The following ST3GAL6 variants were observed in gnomAD, a reference collection of about 807,000 sequenced individuals.
The protein encoded by ST3GAL6 is ST3 beta-galactoside alpha-2,3-sialyltransferase 6.
Under a neutral mutation model 40.5 loss-of-function variants are expected in ST3GAL6, and 31 were observed. That is an observed-to-expected ratio of 0.77 (90% CI 0.58 to 1.03). The LOEUF is 1.03. Ranked by LOEUF, ST3GAL6 falls within the 50% of genes least tolerant of loss-of-function variation. ST3GAL6 has a pLI of 0.00. For missense variants in ST3GAL6, 357 were observed against 393.2 expected (o/e 0.91, Z 0.78); for synonymous variants, 129 against 136.9 (o/e 0.94, Z 0.40).
rs373919190 is a variant in ST3GAL6, at chr3:98,793,772, T to G, written c.*11T>G. ...TTGACTCAAGATTGACTCTACAGACTCAGAAGATGATGCTAACAGTGTTAG... is the reference window on the plus strand; with the variant it reads ...TTGACTCAAGATTGACTCTACAGACGCAGAAGATGATGCTAACAGTGTTAG... On this transcript the variant is annotated 3_prime_UTR_variant, in exon 10 of 10. Coordinates refer to ENST00000483910, the MANE Select transcript of ST3GAL6 (RefSeq NM_001323368.2). 27 of 1,541,288 alleles carry G rather than the reference T, an allele frequency of 1.8e-5. No individual in the cohort carries two copies. Among genetic ancestry groups the G allele is most frequent in the Non-Finnish European group, 2.4e-5 (27 of 1,132,086 alleles).
intron 1 of ST3GAL6, among the ~76,000 whole-genome samples, chr3:98,738,002 C>T (rs1389461459): frequency 6.6e-6 from 1 of 152,062 alleles, no homozygotes; most frequent in Non-Finnish European, 1.5e-5. Context: ...GGGGCAGTTT[C>T]TAATCGTTTA....
chr3:98,789,295 G>T (rs1157121322), intron 8 of ST3GAL6, among the ~76,000 whole-genome samples: 1 of 152,160 alleles, frequency 6.6e-6, no homozygotes, highest in Non-Finnish European at 1.5e-5. Flanking sequence ...ACAAATGTTA[G>T]TGTTGCACAC....
At chr3:98,752,763 G>A (rs537816763) in intron 1 of ST3GAL6, among the ~76,000 whole-genome samples, 2 of 152,288 alleles carry the variant, frequency 1.3e-5, no homozygotes, top group South Asian at 2.1e-4. Flanking sequence ...GAGCCACCGC[G>A]CCCAGCTGAT....
intron 9 of ST3GAL6, among the ~76,000 whole-genome samples, chr3:98,792,616 C>T (rs1941300837): frequency 6.7e-6 from 1 of 150,342 alleles, no homozygotes; most frequent in Non-Finnish European, 1.5e-5. Context: ...AAGTGATTCT[C>T]CTGCTTCAGT....
intron 1 of ST3GAL6, among the ~76,000 whole-genome samples, chr3:98,749,320 A>C (rs929544770): frequency 6.6e-6 from 1 of 152,208 alleles, no homozygotes; most frequent in African/African-American, 2.4e-5. Context: ...GTTGCCCTAA[A>C]TTAAGATTCA....
At chr3:98,745,128 G>C (rs1414440127) in intron 1 of ST3GAL6, among the ~76,000 whole-genome samples, 1 of 152,070 alleles carries the variant, frequency 6.6e-6, no homozygotes, top group Admixed American at 6.6e-5. Flanking sequence ...CTGCCTCTGG[G>C]TTTCAAGCGA....
At position 98,788,414 on chromosome 3, in the gene ST3GAL6, C is replaced by T. The variant is rs1244115544; in HGVS notation, c.707C>T (p.Thr236Ile). 3 of 1,613,150 alleles carry T rather than the reference C, an allele frequency of 1.9e-6. No individual in the cohort carries two copies. Residue 236 changes from threonine to isoleucine, a missense_variant, in exon 8 of 10, where the codon ACA becomes ATA. Thr to Ile is a moderately conservative substitution (Grantham distance 89, BLOSUM62 -1). Coordinates refer to ENST00000483910, the MANE Select transcript of ST3GAL6 (RefSeq NM_001323368.2). The part of the protein sequence containing the change: ...IRILDPFIIR[T>I]AAYELLHFPK... ...ATATTAGATCCTTTCATTATCAGAA[C>T]AGCAGCTTATGAACTGCTTCATTTT... is the stretch of plus-strand genomic sequence containing the variant.
At chr3:98,733,526 T>G (rs1442942448) in intron 1 of ST3GAL6, 41 of 985,854 alleles carry the variant, frequency 4.2e-5, no homozygotes, top group Non-Finnish European at 4.8e-5. Context: ...GAAACCCTTT[T>G]TCCCTCCACA....
chr3:98,777,763 A>G (rs939536831), intron 5 of ST3GAL6, among the ~76,000 whole-genome samples: 2 of 152,214 alleles, frequency 1.3e-5, no homozygotes, highest in East Asian at 3.8e-4. Flanking sequence ...CTGATTTCTC[A>G]TGGACACAGG....
intron 5 of ST3GAL6, among the ~76,000 whole-genome samples, chr3:98,778,475 C>A (rs1042565397): frequency 3.3e-5 from 5 of 152,166 alleles, no homozygotes; most frequent in African/African-American, 1.2e-4. Context: ...GGATTTTTAG[C>A]AAGGAGAGCT....
intron 8 of ST3GAL6, among the ~76,000 whole-genome samples, chr3:98,790,170 C>T (rs1040270287): frequency 4.7e-5 from 7 of 150,108 alleles, no homozygotes; most frequent in East Asian, 1.9e-4. Flanking sequence ...GATATAGGAT[C>T]GAAGAAGCGT....
intron 1 of ST3GAL6, among the ~76,000 whole-genome samples, chr3:98,739,341 CAGT>C (rs1286595620): frequency 2.0e-5 from 3 of 151,638 alleles, no homozygotes; most frequent in Non-Finnish European, 4.4e-5. Flanking sequence ...GAGAAATAAC[CAGT>C]AGTAGACTTG....
chr3:98,750,209 A>G (rs1034577503), intron 1 of ST3GAL6, among the ~76,000 whole-genome samples: 6 of 152,240 alleles, frequency 3.9e-5, no homozygotes, highest in African/African-American at 1.4e-4. Flanking sequence ...AGTTTTAAGT[A>G]CTTTCCAAGC....
In ST3GAL6 at chr3:98,794,891, C is replaced by G. The variant is rs2107395616; in HGVS notation, c.*1130C>G. The G allele has an allele frequency of 6.6e-6, 1 of 152,204 alleles. No homozygotes were observed. Among genetic ancestry groups the G allele is most frequent in the Admixed American group, 6.5e-5 (1 of 15,294 alleles). 9.4% of individuals were successfully genotyped at this position (152,204 alleles called of 1,614,324 possible). A position where few individuals can be genotyped will look rare whatever the true frequency, so the allele number is the denominator to read the frequency against. Reference sequence around the variant, plus strand: ...CTTCAGCCTGGGTGACAGAGTGAGGCTGTCTTCTAAAAAATATAAAAAGTG... The same window carrying G: ...CTTCAGCCTGGGTGACAGAGTGAGGGTGTCTTCTAAAAAATATAAAAAGTG... On this transcript the variant is annotated 3_prime_UTR_variant, in exon 10 of 10. Coordinates refer to ENST00000483910, the MANE Select transcript of ST3GAL6 (RefSeq NM_001323368.2).
chr3:98,759,421 A>T (rs1937583074), upstream of ST3GAL6, among the ~76,000 whole-genome samples: 3 of 152,200 alleles, frequency 2.0e-5, no homozygotes, highest in Admixed American at 2.0e-4. Context: ...TGGAACAAAA[A>T]CAAAGACGAG....
chr3:98,794,346 GTTC>G lies in ST3GAL6; in HGVS notation c.*588_*590del, dbSNP rs1401202847. 5 of 152,058 alleles carry G rather than the reference GTTC, an allele frequency of 3.3e-5. No individual in the cohort carries two copies. Among genetic ancestry groups the G allele is most frequent in the African/African-American group, 1.2e-4 (5 of 41,370 alleles). The allele number at this position is 152,058 out of a possible 1,614,324, so 9.4% of individuals were successfully genotyped here. A position where few individuals can be genotyped will look rare whatever the true frequency, so the allele number is the denominator to read the frequency against. ...TTAAAGGAAATGGGCTAAACATAAA[GTTC>G]TTATTAGATAAGTAAATAACTAAAG... On this transcript the variant is annotated 3_prime_UTR_variant, in exon 10 of 10. Transcript: ENST00000483910.
At chr3:98,788,790 G>A (rs936280430) in intron 8 of ST3GAL6, among the ~76,000 whole-genome samples, 5 of 152,150 alleles carry the variant, frequency 3.3e-5, no homozygotes, top group Admixed American at 6.5e-5. Flanking sequence ...GTGGGCTGAC[G>A]GGCAGGCTTG....
chr3:98,764,204 T>C (rs773232858), intron 1 of ST3GAL6, among the ~76,000 whole-genome samples: 22 of 152,222 alleles, frequency 1.4e-4, no homozygotes, highest in Non-Finnish European at 2.6e-4. Context: ...TGCACTAACC[T>C]AATGCTTGAT....
intron 1 of ST3GAL6, among the ~76,000 whole-genome samples, chr3:98,756,108 A>G (rs780467925): frequency 6.6e-6 from 1 of 152,176 alleles, no homozygotes; most frequent in Non-Finnish European, 1.5e-5. Context: ...TGAGCTGGGT[A>G]TGTTATTATT....
Sources: allele counts gnomAD v4.1 joint callset (sites outside exome capture counted in the v4.1 genomes callset), GRCh38; gene constraint gnomAD v4.1.1; transcripts MANE v1.5; gene names NCBI Gene and HGNC (gene_info 2026-07-23, HGNC 2026-07-21).